HSD17B12: variants seen among roughly 807,000 people sequenced by gnomAD.
HSD17B12 encodes very-long-chain 3-oxoacyl-CoA reductase.
HSD17B12 carries 32 observed loss-of-function variants against 39.3 expected under a neutral mutation model. The ratio of observed to expected loss-of-function variants is 0.81; its 90% CI spans 0.61 to 1.09. The LOEUF is 1.09. HSD17B12 is among the 50% of genes least tolerant of loss of function. The pLI is 0.00. For synonymous variants in HSD17B12, 150 were observed against 146.7 expected (o/e 1.02, Z -0.16); for missense variants, 342 against 382.9 (o/e 0.89, Z 0.89).
intron 1 of HSD17B12, among the ~76,000 whole-genome samples, chr11:43,703,075 A>G (rs2134814133): frequency 6.6e-6 from 1 of 152,322 alleles, no homozygotes; most frequent in African/African-American, 2.4e-5. Flanking sequence ...TTTGGTATCA[A>G]AGTAATACTG....
intron 1 of HSD17B12, among the ~76,000 whole-genome samples, chr11:43,706,341 C>A (rs566534273): frequency 6.6e-6 from 1 of 152,024 alleles, no homozygotes; most frequent in African/African-American, 2.4e-5. Flanking sequence ...GTCAGGAGTT[C>A]GAGACCAGCC....
At chr11:43,755,013 G>A (rs1207722158) in intron 3 of HSD17B12, 2 of 596,508 alleles carry the variant, frequency 3.4e-6, no homozygotes, top group Admixed American at 3.0e-5. Context: ...CTGACCATTT[G>A]TGGCCAGGAA....
chr11:43,579,485 G>A, the HSD17B12 span: 5 of 152,296 alleles, frequency 3.3e-5, no homozygotes, highest in Non-Finnish European at 5.9e-5. Flanking sequence ...GTGCGGACGG[G>A]ACCGGCGCGC....
the HSD17B12 span, among the ~76,000 whole-genome samples, chr11:43,673,804 C>T: frequency 6.6e-6 from 1 of 152,086 alleles, no homozygotes; most frequent in African/African-American, 2.4e-5. Context: ...GCCACGGCAC[C>T]CAGCCTTTAG....
intron 1 of HSD17B12, among the ~76,000 whole-genome samples, chr11:43,711,229 A>G (rs1950062370): frequency 6.6e-6 from 1 of 152,216 alleles, no homozygotes; most frequent in Non-Finnish European, 1.5e-5. Flanking sequence ...ATATTTCAAA[A>G]GAAAAGAACC....
At chr11:43,628,522 G>C in the HSD17B12 span, among the ~76,000 whole-genome samples, 5 of 152,060 alleles carry the variant, frequency 3.3e-5, no homozygotes, top group Admixed American at 3.3e-4. Context: ...TTTGTCTGCA[G>C]AGCTGTGTTA....
At chr11:43,764,735 G>A (rs1218707465) in intron 3 of HSD17B12, among the ~76,000 whole-genome samples, 1 of 152,032 alleles carries the variant, frequency 6.6e-6, no homozygotes, top group East Asian at 1.9e-4. Context: ...AATTTACTTT[G>A]TCTAGCTTTC....
chr11:43,845,769 C>T (rs775080495), intron 9 of HSD17B12, among the ~76,000 whole-genome samples: 5 of 152,128 alleles, frequency 3.3e-5, no homozygotes, highest in Non-Finnish European at 7.3e-5. Flanking sequence ...AACTTCTCTG[C>T]CATATAATTA....
chr11:43,775,885 T>C (rs1477610796), intron 3 of HSD17B12, among the ~76,000 whole-genome samples: 3 of 151,762 alleles, frequency 2.0e-5, no homozygotes, highest in Admixed American at 2.0e-4. Flanking sequence ...TGCAATAGTT[T>C]ACTGAGAATG....
intron 3 of HSD17B12, among the ~76,000 whole-genome samples, chr11:43,790,527 T>C (rs1431835727): frequency 6.6e-6 from 1 of 152,204 alleles, no homozygotes; most frequent in Non-Finnish European, 1.5e-5. Flanking sequence ...GAACCCTATA[T>C]ACCTATATGT....
At chr11:43,668,690 G>A in the HSD17B12 span, among the ~76,000 whole-genome samples, 1 of 151,826 alleles carries the variant, frequency 6.6e-6, no homozygotes, top group African/African-American at 2.4e-5. Context: ...AGAATTAAAG[G>A]TTTTTCAATA....
At chr11:43,666,064 C>T in the HSD17B12 span, among the ~76,000 whole-genome samples, 1 of 152,148 alleles carries the variant, frequency 6.6e-6, no homozygotes, top group South Asian at 2.1e-4. Flanking sequence ...AGCTTTCCAT[C>T]ATTCCCATTC....
At chr11:43,607,964 A>G in the HSD17B12 span, among the ~76,000 whole-genome samples, 1 of 152,204 alleles carries the variant, frequency 6.6e-6, no homozygotes, top group African/African-American at 2.4e-5. Context: ...ATTTCAGTAC[A>G]TCCTGAGTGC....
intron 3 of HSD17B12, among the ~76,000 whole-genome samples, chr11:43,769,254 C>T (rs966359420): frequency 3.9e-5 from 6 of 152,170 alleles, no homozygotes; most frequent in Non-Finnish European, 5.9e-5. Flanking sequence ...AATATGCTGG[C>T]CCCTACTGTG....
At chr11:43,679,233 G>A (rs1949718892), upstream of HSD17B12, among the ~76,000 whole-genome samples, 1 of 152,108 alleles carries the variant, frequency 6.6e-6, no homozygotes, top group Non-Finnish European at 1.5e-5. Flanking sequence ...TTGGCTCTCT[G>A]TTTGTCTGTT....
chr11:43,788,112 G>A (rs1384480160), intron 3 of HSD17B12, among the ~76,000 whole-genome samples: 1 of 152,058 alleles, frequency 6.6e-6, no homozygotes, highest in Non-Finnish European at 1.5e-5. Context: ...GGGAGAAATA[G>A]TATGGTGGGT....
chr11:43,701,221 T>C (rs1299647014), intron 1 of HSD17B12, among the ~76,000 whole-genome samples: 1 of 152,246 alleles, frequency 6.6e-6, no homozygotes, highest in Non-Finnish European at 1.5e-5. Flanking sequence ...AGGCTCCTTA[T>C]ATATTCTGGT....
chr11:43,754,923 C>G, intron 3 of HSD17B12: 1 of 757,970 alleles, frequency 1.3e-6, no homozygotes, highest in Non-Finnish European at 2.4e-6. Flanking sequence ...TCTTAACTAA[C>G]TTCTACTCAA....
chr11:43,716,724 T>A (rs1036589023), intron 1 of HSD17B12, among the ~76,000 whole-genome samples: 2 of 144,088 alleles, frequency 1.4e-5, no homozygotes, highest in South Asian at 4.3e-4. Context: ...TATTGTATTA[T>A]ATATTATATA....
Sources: allele counts gnomAD v4.1 joint callset (sites outside exome capture counted in the v4.1 genomes callset), GRCh38; gene constraint gnomAD v4.1.1; transcripts MANE v1.5; gene names NCBI Gene and HGNC (gene_info 2026-07-23, HGNC 2026-07-21).